Variants in CCDC87 observed in about 807,000 individuals in gnomAD.
CCDC87 encodes coiled-coil domain-containing protein 87.
For synonymous variants in CCDC87, 434 were observed against 440.2 expected (o/e 0.99, Z 0.18); for missense variants, 1,072 against 1,041.7 (o/e 1.03, Z -0.40).
chr11:66,592,246 C>G lies in CCDC87; in HGVS notation c.770G>C (p.Arg257Pro). The change falls in exon 1 of 1, where the codon CGG becomes CCG. Residue 257 changes from arginine (R) to proline (P), a missense_variant. Transcript: ENST00000333861. ...GTGGAAAGGCTTTTTCCTCTTCAAC[C>G]GAGGGATGGACTTCAATTCCTTCAC... ...DPVKELKSIP[R>P]LKRKKPFHWL... The G allele has an allele frequency of 2.5e-6, 4 of 1,613,878 alleles. No homozygotes were observed. Among genetic ancestry groups the G allele is most frequent in the South Asian group, 1.1e-5 (1 of 91,032 alleles).
At position 66,592,415 on chromosome 11, in the gene CCDC87, C is replaced by A. The variant is rs1163029104; in HGVS notation, c.601G>T (p.Ala201Ser). 1.2e-5 allele frequency: 20 copies of A among 1,613,858 alleles called. No homozygotes were observed. Among genetic ancestry groups the A allele is most frequent in the African/African-American group, 2.7e-5 (2 of 74,914 alleles). Residue 201 changes from alanine to serine, a missense_variant, in exon 1 of 1, where the codon GCT becomes TCT. Ala to Ser is a moderately conservative substitution (Grantham distance 99). Coordinates refer to ENST00000333861, the MANE Select transcript of CCDC87 (RefSeq NM_018219.3). ...ATAGGGCACAGCTTGAACGTCCCAGCGGGGCAGACAGGGTGCAGCTTGTCC... is the reference window on the plus strand; with the variant it reads ...ATAGGGCACAGCTTGAACGTCCCAGAGGGGCAGACAGGGTGCAGCTTGTCC... Reference protein sequence around the residue: ...DVDKLHPVCPAGTFKLCPIPW... With the variant: ...DVDKLHPVCPSGTFKLCPIPW...
In CCDC87 at chr11:66,592,099, A is replaced by G. The variant is rs1177886712; in HGVS notation, c.917T>C (p.Leu306Pro). Residue 306 changes from leucine to proline, a missense_variant, in exon 1 of 1, where the codon CTC becomes CCC. Transcript: ENST00000333861. ...RASPSPFCPE[L>P]RRGQSMPSLR... The stretch of plus-strand genomic sequence containing the variant: ...GGAGGGCATGGATTGGCCTCTCCGG[A>G]GCTCAGGGCAGAAAGGCGAGGGGGA... The G allele has an allele frequency of 1.3e-6, 2 of 1,594,318 alleles. No homozygotes were observed. Among genetic ancestry groups the G allele is most frequent in the African/African-American group, 1.3e-5 (1 of 74,284 alleles).
At position 66,590,806 on chromosome 11, in the gene CCDC87, C is replaced by G. The variant is rs760258109; in HGVS notation, c.2210G>C (p.Arg737Thr). The G allele has an allele frequency of 6.2e-7, 1 of 1,613,362 alleles. No homozygotes were observed. Among genetic ancestry groups the G allele is most frequent in the South Asian group, 1.1e-5 (1 of 91,084 alleles). The change falls in exon 1 of 1, where the codon AGA (arginine) becomes ACA (threonine). Residue 737 changes from arginine to threonine, a missense_variant. Coordinates refer to ENST00000333861, the MANE Select transcript of CCDC87 (RefSeq NM_018219.3). The part of the protein sequence containing the change: ...PIQLREALLA[R>T]LEWFEGQASN... ...AGCTTGTCCCTCAAACCACTCTAGT[C>G]TCGCCAGCAATGCCTCCCGCAGCTG...
rs1467497584 is a variant in CCDC87 at position 66,591,142 on chromosome 11, A to G, written c.1874T>C (p.Val625Ala). 6.2e-7 allele frequency: 1 copy of G among 1,614,180 alleles called. No homozygotes were observed. Among genetic ancestry groups the G allele is most frequent in the East Asian group, 2.2e-5 (1 of 44,894 alleles). The change falls in exon 1 of 1, where the codon GTG becomes GCG. Residue 625 changes from valine to alanine, a missense_variant. Physicochemically the swap from Val to Ala is moderately conservative, Grantham distance 64 (BLOSUM62 0). Coordinates refer to ENST00000333861, the MANE Select transcript of CCDC87 (RefSeq NM_018219.3). The part of the protein sequence containing the change: ...MHEEEVPVEI[V>A]APARESLEIQ... ...CTCTAGGGACTCTCTGGCAGGGGCC[A>G]CAATCTCCACAGGAACCTCTTCTTC...
Position 66,591,907 on chromosome 11 carries a change from C to G in CCDC87, c.1109G>C (p.Arg370Pro), listed in dbSNP as rs777766804. ...LIKKMKLEGT[R>P]YPPLDSGLPP... is the part of the protein sequence containing the mutation. ...CAGGCCTGAGTCCAGTGGTGGGTAG[C>G]GAGTCCCCTCCAACTTCATCTTCTT... The change falls in exon 1 of 1, where the codon CGC (arginine) becomes CCC (proline). Residue 370 changes from arginine to proline, a missense_variant. Coordinates refer to ENST00000333861, the MANE Select transcript of CCDC87 (RefSeq NM_018219.3). 4 of 1,613,840 alleles carry G rather than the reference C, an allele frequency of 2.5e-6. No individual in the cohort carries two copies. Among genetic ancestry groups the G allele is most frequent in the Non-Finnish European group, 3.4e-6 (4 of 1,180,008 alleles).
Position 66,592,914 on chromosome 11 carries a change from A to G in CCDC87, c.102T>C (p.Pro34=). ...GGCCCTCCTGCGGGGGGCGCTTCTG[A>G]GGCTCTGGGGACGTCGTCCTAGTGG... The part of the protein sequence containing the change: ...LFPTRTTSPE[P]QKRPPQEGRI... Residue 34 remains proline, a synonymous_variant, in exon 1 of 1, where the codon CCT becomes CCC. Coordinates refer to ENST00000333861, the MANE Select transcript of CCDC87 (RefSeq NM_018219.3). 6.5e-7 allele frequency: 1 copy of G among 1,529,684 alleles called. No homozygotes were observed. The highest frequency in any genetic ancestry group is 1.4e-5 in the African/African-American group (1 of 72,086). 94.8% of individuals were successfully genotyped at this position (1,529,684 alleles called of 1,614,324 possible).
rs765726563 is a variant in CCDC87, at chr11:66,591,050, T to A, written c.1966A>T (p.Asn656Tyr). 1 of 1,614,128 alleles carries A rather than the reference T, an allele frequency of 6.2e-7. No homozygotes were observed. The highest frequency in any genetic ancestry group is 8.5e-7 in the Non-Finnish European group (1 of 1,180,032). Residue 656 changes from asparagine to tyrosine, a missense_variant, in exon 1 of 1, where the codon AAC (asparagine) becomes TAC (tyrosine). Physicochemically the swap from Asn to Tyr is moderately radical, Grantham distance 143 (BLOSUM62 -2). Transcript: ENST00000333861. ...CCTAGCCTGTGCTCTAGCACAGTGT[T>A]CCAATCCCACTCTCCTGGCACAAAG... ...PDFVPGEWDW[N>Y]TVLEHRLGAG...
Position 66,590,782 on chromosome 11 carries a change from G to A in CCDC87, c.2234C>T (p.Ala745Val). The change falls in exon 1 of 1, where the codon GCT (alanine) becomes GTT (valine). Residue 745 changes from alanine to valine, a missense_variant. Ala to Val is a moderately conservative substitution (Grantham distance 64). Transcript: ENST00000333861. ...LARLEWFEGQASNPNRFFKKT... is the reference protein window; with the variant it reads ...LARLEWFEGQVSNPNRFFKKT... ...TTTGAAGAAGCGGTTGGGATTGGAA[G>A]CTTGTCCCTCAAACCACTCTAGTCT... is the stretch of plus-strand genomic sequence containing the variant. 6.2e-7 allele frequency: 1 copy of A among 1,612,808 alleles called. No homozygotes were observed. Among genetic ancestry groups the A allele is most frequent in the Non-Finnish European group, 8.5e-7 (1 of 1,180,048 alleles).
In CCDC87 at chr11:66,592,992, C is replaced by A; in HGVS notation, c.24G>T (p.Glu8Asp). MMEPPKP[E>D]PELQRFYHRL... ...GGTGGTAAAACCGCTGGAGCTCAGG[C>A]TCGGGCTTCGGGGGCTCCATCATAG... Residue 8 changes from glutamate (E) to aspartate (D), a missense_variant, in exon 1 of 1, where the codon GAG becomes GAT. Transcript: ENST00000333861. 1 of 1,514,812 alleles carries A rather than the reference C, an allele frequency of 6.6e-7. No homozygotes were observed. Among genetic ancestry groups the A allele is most frequent in the Non-Finnish European group, 8.8e-7 (1 of 1,134,126 alleles). 93.8% of individuals were successfully genotyped at this position (1,514,812 alleles called of 1,614,324 possible). A position where few individuals can be genotyped will look rare whatever the true frequency, so the allele number is the denominator to read the frequency against.
Position 66,591,800 on chromosome 11 carries a change from G to C in CCDC87, c.1216C>G (p.Gln406Glu), listed in dbSNP as rs1858366321. The change falls in exon 1 of 1, where the codon CAG becomes GAG. Residue 406 changes from glutamine to glutamate, a missense_variant. By Grantham distance (29) the Gln-to-Glu change is conservative (BLOSUM62 2). Transcript: ENST00000333861. ...EELEKMLRNL[Q>E]EEEASGQWDP... ...CACTGCCCAGAGGCTTCTTCCTCCTGGAGGTTCCTCAACATCTTCTCCAGC... is the reference window on the plus strand; with the variant it reads ...CACTGCCCAGAGGCTTCTTCCTCCTCGAGGTTCCTCAACATCTTCTCCAGC... The C allele has an allele frequency of 6.2e-7, 1 of 1,613,412 alleles. No homozygotes were observed. The highest frequency in any genetic ancestry group is 1.1e-5 in the South Asian group (1 of 91,058).
In CCDC87 at chr11:66,592,517, T is replaced by C. The variant is rs1278408241; in HGVS notation, c.499A>G (p.Thr167Ala). 1.2e-6 allele frequency: 2 copies of C among 1,613,278 alleles called. No individual in the cohort carries two copies. Among genetic ancestry groups the C allele is most frequent in the South Asian group, 1.1e-5 (1 of 91,058 alleles). ...SLARDCTLFLTSPNVYRGLLA... is the reference protein window; with the variant it reads ...SLARDCTLFLASPNVYRGLLA... ...AGGCCACGGTAGACGTTGGGACTAG[T>C]AAGGAAGAGTGTGCAGTCCCTGGCG... The change falls in exon 1 of 1, where the codon ACT (threonine) becomes GCT (alanine). Residue 167 changes from threonine to alanine, a missense_variant. By Grantham distance (58) the Thr-to-Ala change is moderately conservative. Coordinates refer to ENST00000333861, the MANE Select transcript of CCDC87 (RefSeq NM_018219.3).
rs770201652 is a variant in CCDC87, at chr11:66,591,621, C to T, written c.1395G>A (p.Leu465=). 1.9e-6 allele frequency: 3 copies of T among 1,614,078 alleles called. No homozygotes were observed. The highest frequency in any genetic ancestry group is 2.5e-6 in the Non-Finnish European group (3 of 1,180,034). Reference sequence around the variant, plus strand: ...CCAGTTCACCAGCCAGATGGTTATACAGGGCTCCGGCCCCCTCAATGTGGA... The same window carrying T: ...CCAGTTCACCAGCCAGATGGTTATATAGGGCTCCGGCCCCCTCAATGTGGA... The part of the protein sequence containing the change: ...DSFHIEGAGA[L]YNHLAGELDP... Residue 465 remains leucine, a synonymous_variant, in exon 1 of 1, where the codon CTG becomes CTA. Coordinates refer to ENST00000333861, the MANE Select transcript of CCDC87 (RefSeq NM_018219.3).
Position 66,591,350 on chromosome 11 carries a change from A to C in CCDC87, c.1666T>G (p.Leu556Val), listed in dbSNP as rs757137007. 1 of 1,614,058 alleles carries C rather than the reference A, an allele frequency of 6.2e-7. No individual in the cohort carries two copies. The highest frequency in any genetic ancestry group is 1.1e-5 in the South Asian group (1 of 91,076). The part of the protein sequence containing the change: ...VGLYSQRANT[L>V]QSNTKKMPSL... ...GGCATCTTCTTAGTATTGGACTGTA[A>C]AGTGTTTGCTCTCTGGGAGTAAAGT... is the stretch of plus-strand genomic sequence containing the variant. Residue 556 changes from leucine (L) to valine (V), a missense_variant, in exon 1 of 1, where the codon TTA (leucine) becomes GTA (valine). Physicochemically the swap from Leu to Val is conservative, Grantham distance 32. Transcript: ENST00000333861.
Position 66,592,996 on chromosome 11 carries a change from G to T in CCDC87, c.20C>A (p.Pro7His), listed in dbSNP as rs372009413. 2 of 1,513,814 alleles carry T rather than the reference G, an allele frequency of 1.3e-6. No individual in the cohort carries two copies. The highest frequency in any genetic ancestry group is 1.8e-6 in the Non-Finnish European group (2 of 1,133,626). The allele number at this position is 1,513,814 out of a possible 1,614,324, so 93.8% of individuals were successfully genotyped here. A position where few individuals can be genotyped will look rare whatever the true frequency, so the allele number is the denominator to read the frequency against. Residue 7 changes from proline to histidine, a missense_variant, in exon 1 of 1, where the codon CCC becomes CAC. Physicochemically the swap from Pro to His is moderately conservative, Grantham distance 77. Coordinates refer to ENST00000333861, the MANE Select transcript of CCDC87 (RefSeq NM_018219.3). ...GTAAAACCGCTGGAGCTCAGGCTCGGGCTTCGGGGGCTCCATCATAGAGCC... is the reference window on the plus strand; with the variant it reads ...GTAAAACCGCTGGAGCTCAGGCTCGTGCTTCGGGGGCTCCATCATAGAGCC... MMEPPKPEPELQRFYHR... is the reference protein window; with the variant it reads MMEPPKHEPELQRFYHR...
rs373320692 is a variant in CCDC87, at chr11:66,591,963, G to A, written c.1053C>T (p.Leu351=). Residue 351 remains leucine (L), a synonymous_variant, in exon 1 of 1, where the codon CTC becomes CTT. Coordinates refer to ENST00000333861, the MANE Select transcript of CCDC87 (RefSeq NM_018219.3). ...ATESKPELTG[L]IVAEDLKQLI... Reference sequence around the variant, plus strand: ...ACTGCTTCAGATCCTCAGCCACGATGAGCCCAGTCAGCTCTGGTTTGCTCT... The same window carrying A: ...ACTGCTTCAGATCCTCAGCCACGATAAGCCCAGTCAGCTCTGGTTTGCTCT... 1.5e-5 allele frequency: 24 copies of A among 1,613,784 alleles called. No homozygotes were observed. The highest frequency in any genetic ancestry group is 2.2e-5 in the East Asian group (1 of 44,906).
rs1195276916 is a variant in CCDC87, at chr11:66,590,265, A to C, written c.*201T>G. On this transcript the variant is annotated 3_prime_UTR_variant, in exon 1 of 1. Transcript: ENST00000333861. ...GGATTCTTTCATGAGAATTTCACTAAGAAAACAATAGTTTTAGTCTCAATC... is the reference window on the plus strand; with the variant it reads ...GGATTCTTTCATGAGAATTTCACTACGAAAACAATAGTTTTAGTCTCAATC... The C allele has an allele frequency of 5.6e-6, 3 of 537,388 alleles. No homozygotes were observed. Among genetic ancestry groups the C allele is most frequent in the Non-Finnish European group, 9.7e-6 (3 of 308,102 alleles). 33.3% of individuals were successfully genotyped at this position (537,388 alleles called of 1,614,324 possible). A position where few individuals can be genotyped will look rare whatever the true frequency, so the allele number is the denominator to read the frequency against.
Position 66,591,110 on chromosome 11 carries a change from G to A in CCDC87, c.1906C>T (p.His636Tyr). The A allele has an allele frequency of 1.2e-6, 2 of 1,614,120 alleles. No homozygotes were observed. The highest frequency in any genetic ancestry group is 1.7e-6 in the Non-Finnish European group (2 of 1,180,028). The change falls in exon 1 of 1, where the codon CAC becomes TAC. Residue 636 changes from histidine (H) to tyrosine (Y), a missense_variant. By Grantham distance (83) the His-to-Tyr change is moderately conservative. Transcript: ENST00000333861. Reference protein sequence around the residue: ...APARESLEIQHPPPLLEDEEP... With the variant: ...APARESLEIQYPPPLLEDEEP... ...TCATCTTCTAGCAATGGGGGAGGGT[G>A]CTGAATCTCTAGGGACTCTCTGGCA...
In CCDC87 at chr11:66,592,506, G is replaced by A. The variant is rs915687484; in HGVS notation, c.510C>T (p.Asn170=). ...RDCTLFLTSP[N]VYRGLLADFQ... ...AGTCGGCAAGCAGGCCACGGTAGAC[G>A]TTGGGACTAGTAAGGAAGAGTGTGC... is the stretch of plus-strand genomic sequence containing the variant. The change falls in exon 1 of 1, where the codon AAC becomes AAT. Residue 170 remains asparagine, a synonymous_variant. Transcript: ENST00000333861. 5.0e-6 allele frequency: 8 copies of A among 1,613,482 alleles called. No homozygotes were observed. The highest frequency in any genetic ancestry group is 1.6e-4 in the Middle Eastern group (1 of 6,084).
chr11:66,593,000 TC>T lies in CCDC87; in HGVS notation c.15del (p.Lys6SerfsTer48). The T allele has an allele frequency of 6.6e-7, 1 of 1,513,522 alleles. No individual in the cohort carries two copies. Among genetic ancestry groups the T allele is most frequent in the Non-Finnish European group, 8.8e-7 (1 of 1,133,428 alleles). 93.8% of individuals were successfully genotyped at this position (1,513,522 alleles called of 1,614,324 possible). The part of the protein sequence containing the change: MMEP[P>X]KPEPELQRFY... ...AACCGCTGGAGCTCAGGCTCGGGCTTCGGGGGCTCCATCATAGAGCCGGCGG... is the reference window on the plus strand; with the variant it reads ...AACCGCTGGAGCTCAGGCTCGGGCTTGGGGGCTCCATCATAGAGCCGGCGG... On this transcript the variant is annotated frameshift_variant, in exon 1 of 1. Coordinates refer to ENST00000333861, the MANE Select transcript of CCDC87 (RefSeq NM_018219.3). LOFTEE classifies it low-confidence loss of function (END_TRUNC).
Sources: allele counts gnomAD v4.1 joint callset, GRCh38; gene constraint gnomAD v4.1.1; transcripts MANE v1.5; gene names NCBI Gene and HGNC (gene_info 2026-07-23, HGNC 2026-07-21).